The following PRELID2 variants were observed in gnomAD, a reference collection of about 807,000 sequenced individuals.
PRELID2 encodes PRELI domain containing 2.
In PRELID2, 25 loss-of-function variants were observed where a neutral mutation model predicts 28.4. The observed-to-expected ratio is 0.88, with a 90% CI of 0.64 to 1.23. The LOEUF (loss-of-function observed/expected upper bound fraction) is 1.23. PRELID2 is among the 50% of genes most tolerant of loss of function. The probability of loss-of-function intolerance (pLI) is 0.00; values close to 1 mark genes in which losing one functional copy is unlikely to be tolerated. For missense variants in PRELID2, 201 were observed against 214.4 expected, an observed-to-expected ratio of 0.94 and a Z score of 0.39; for synonymous variants, 76 against 71.6, an observed-to-expected ratio of 1.06 and a Z score of -0.31.
the PRELID2 span, among the ~76,000 whole-genome samples, chr5:145,399,809 C>T: frequency 2.6e-5 from 4 of 152,160 alleles, no homozygotes; most frequent in Non-Finnish European, 5.9e-5. Context: ...AGGAGCAAGT[C>T]ACATCTTACG....
chr5:145,775,844 T>TA (rs1238767895), intron 5 of PRELID2, among the ~76,000 whole-genome samples: 1 of 152,170 alleles, frequency 6.6e-6, no homozygotes, highest in Non-Finnish European at 1.5e-5. Context: ...GAAGGAACAG[T>TA]AAGTCCATGG....
At chr5:145,683,039 C>T (rs1346401706) in intron 1 of PRELID2, among the ~76,000 whole-genome samples, 2 of 152,088 alleles carry the variant, frequency 1.3e-5, no homozygotes, top group African/African-American at 4.8e-5. Context: ...CAGAGAGCCA[C>T]AGAGAAAAAT....
At chr5:145,407,420 A>G in the PRELID2 span, among the ~76,000 whole-genome samples, 5 of 152,032 alleles carry the variant, frequency 3.3e-5, no homozygotes, top group Non-Finnish European at 7.4e-5. Context: ...TTGACATGAG[A>G]ACCACCCTCT....
the PRELID2 span, among the ~76,000 whole-genome samples, chr5:145,369,825 G>A: frequency 1.3e-5 from 2 of 152,074 alleles, no homozygotes; most frequent in Admixed American, 6.6e-5. Flanking sequence ...TAACTGGTAT[G>A]AGACAGTATC....
intron 5 of PRELID2, among the ~76,000 whole-genome samples, chr5:145,769,782 G>C (rs73304074): frequency 6.6e-6 from 1 of 152,174 alleles, no homozygotes; most frequent in African/African-American, 2.4e-5. Context: ...GGGAAGCTAC[G>C]TGGAACAGGG....
chr5:145,508,573 T>A (rs1353821168), intron 1 of PRELID2, among the ~76,000 whole-genome samples: 1 of 151,902 alleles, frequency 6.6e-6, no homozygotes, highest in Non-Finnish European at 1.5e-5. Context: ...ATTTAATTAA[T>A]AAAATTAAAA....
chr5:145,453,798 C>A, the PRELID2 span, among the ~76,000 whole-genome samples: 1 of 152,148 alleles, frequency 6.6e-6, no homozygotes, highest in South Asian at 2.1e-4. Flanking sequence ...ATGAACTCAT[C>A]CTTTTTATGG....
the PRELID2 span, among the ~76,000 whole-genome samples, chr5:145,318,345 C>G: frequency 8.1e-4 from 123 of 152,304 alleles, no homozygotes; most frequent in African/African-American, 2.8e-3. Context: ...CTAAAACTCT[C>G]ATGACCTGAG....
chr5:145,553,189 C>T, intron 1 of PRELID2, among the ~76,000 whole-genome samples: 1 of 141,668 alleles, frequency 7.1e-6, no homozygotes, highest in East Asian at 2.1e-4. Flanking sequence ...AGGACCCCCC[C>T]CCCCAAAAAA....
the PRELID2 span, among the ~76,000 whole-genome samples, chr5:145,325,761 T>C: frequency 2.6e-4 from 40 of 152,278 alleles, no homozygotes; most frequent in East Asian, 7.4e-3. Flanking sequence ...CTATCTTAAT[T>C]AGGTTTTTCT....
At chr5:145,241,555 T>A in the PRELID2 span, among the ~76,000 whole-genome samples, 1 of 152,032 alleles carries the variant, frequency 6.6e-6, no homozygotes, top group Non-Finnish European at 1.5e-5. Context: ...ATCTGTTTTT[T>A]AAAAAGAGAG....
At chr5:145,606,788 T>G (rs2149641900) in intron 1 of PRELID2, among the ~76,000 whole-genome samples, 1 of 152,292 alleles carries the variant, frequency 6.6e-6, no homozygotes, top group Non-Finnish European at 1.5e-5. Context: ...ATGGAATTAG[T>G]GAGAAGTTGC....
At chr5:145,790,890 G>GGT (rs199736317) in intron 5 of PRELID2, among the ~76,000 whole-genome samples, 68 of 39,484 alleles carry the variant, frequency 1.7e-3, no homozygotes, top group African/African-American at 2.9e-3. Flanking sequence ...TTCACTTCTG[G>GGT]GTATATATAT....
chr5:145,739,827 T>G (rs1284682829), intron 1 of PRELID2, among the ~76,000 whole-genome samples: 1 of 151,770 alleles, frequency 6.6e-6, no homozygotes, highest in African/African-American at 2.4e-5. Flanking sequence ...ACCTAATTTT[T>G]TTAAAAAACT....
At chr5:145,626,674 T>G (rs1467000377) in intron 1 of PRELID2, among the ~76,000 whole-genome samples, 1 of 152,124 alleles carries the variant, frequency 6.6e-6, no homozygotes. Context: ...CTACTGGGTA[T>G]CTACCCAAAG....
chr5:145,432,611 A>C, the PRELID2 span, among the ~76,000 whole-genome samples: 1 of 152,060 alleles, frequency 6.6e-6, no homozygotes, highest in Non-Finnish European at 1.5e-5. Flanking sequence ...ATCTCTCTTT[A>C]GGCATAACAT....
At chr5:145,321,329 A>G in the PRELID2 span, among the ~76,000 whole-genome samples, 1 of 152,234 alleles carries the variant, frequency 6.6e-6, no homozygotes, top group African/African-American at 2.4e-5. Context: ...CCATTTCTAG[A>G]GAAACAATTT....
the PRELID2 span, chr5:145,230,051 A>G: frequency 1.4e-6 from 1 of 691,182 alleles, no homozygotes; most frequent in Non-Finnish European, 2.7e-6. Flanking sequence ...TCACTGCCAG[A>G]TAGACCCCTG....
chr5:145,400,655 AC>A, the PRELID2 span, among the ~76,000 whole-genome samples: 1 of 152,218 alleles, frequency 6.6e-6, no homozygotes, highest in East Asian at 1.9e-4. Flanking sequence ...TCCTCAGCGC[AC>A]ACATTTGGTT....
Sources: allele counts gnomAD v4.1 joint callset (sites outside exome capture counted in the v4.1 genomes callset), GRCh38; gene constraint gnomAD v4.1.1; transcripts MANE v1.5; gene names NCBI Gene and HGNC (gene_info 2026-07-23, HGNC 2026-07-21).